The following CBLB variants were observed in gnomAD, a reference collection of about 807,000 sequenced individuals.
CBLB encodes E3 ubiquitin-protein ligase CBL-B.
A neutral mutation model predicts 104.9 loss-of-function variants in CBLB; 31 were observed. The observed-to-expected ratio is 0.30, with a 90% CI of 0.22 to 0.40. CBLB has a LOEUF of 0.40. CBLB is among the 10% of genes least tolerant of loss of function. The probability of loss-of-function intolerance (pLI) is 1.00; values close to 1 mark genes in which losing one functional copy is unlikely to be tolerated. For missense variants in CBLB, 1,062 were observed against 1,214.6 expected (o/e 0.87, Z 1.87); for synonymous variants, 440 against 422.6 (o/e 1.04, Z -0.51).
intron 3 of CBLB, among the ~76,000 whole-genome samples, chr3:105,841,601 C>T (rs572770016): frequency 2.0e-5 from 3 of 151,696 alleles, no homozygotes; most frequent in African/African-American, 2.4e-5. Flanking sequence ...TACAGGCACC[C>T]GCCACCACGC....
chr3:105,831,294 A>T (rs867014746), intron 3 of CBLB, among the ~76,000 whole-genome samples: 1 of 152,210 alleles, frequency 6.6e-6, no homozygotes, highest in Non-Finnish European at 1.5e-5. Flanking sequence ...CTTCCATGAC[A>T]TCTTTTCCTG....
chr3:105,685,973 G>A (rs2066950118), intron 13 of CBLB, among the ~76,000 whole-genome samples: 1 of 152,106 alleles, frequency 6.6e-6, no homozygotes, highest in South Asian at 2.1e-4. Context: ...TAACTATCCT[G>A]TGAAATTATA....
chr3:105,762,373 C>A (rs1332930682), intron 4 of CBLB: 3 of 152,244 alleles, frequency 2.0e-5, no homozygotes, highest in Non-Finnish European at 4.4e-5. Flanking sequence ...GTCTTCACGG[C>A]AGCTTCTCTC....
chr3:105,848,490 G>A (rs77127268), intron 3 of CBLB, among the ~76,000 whole-genome samples: 11,703 of 151,756 alleles, frequency 0.077, 612 homozygotes, highest in East Asian at 0.29. Flanking sequence ...TTTAAAATTC[G>A]GGCTACTCAT....
At chr3:105,743,030 T>C (rs1389028605) in intron 6 of CBLB, among the ~76,000 whole-genome samples, 1 of 152,208 alleles carries the variant, frequency 6.6e-6, no homozygotes, top group Non-Finnish European at 1.5e-5. Flanking sequence ...GAACAATTTC[T>C]TCCTCTCATG....
rs1305356310 is a variant in CBLB, at chr3:105,741,106, T to TTTG, written c.846-476_846-475insCAA. On this transcript the variant is annotated intron_variant, in intron 6 of 18. Coordinates refer to ENST00000394030, the MANE Select transcript of CBLB (RefSeq NM_170662.5). ...ACATAAAAATTAGGGTTTTTTTTTT[T>TTTG]TTTTTTTTTTTGAGACGGAGTCTTA... Among the ~76,000 whole-genome samples the TTTG allele has an allele frequency of 1.1e-3, 160 of 147,726 alleles. 3 individuals are homozygous for TTTG. The highest frequency in any genetic ancestry group is 3.4e-3 in the African/African-American group (137 of 40,096).
At chr3:105,860,968 G>A (rs2092034021) in intron 2 of CBLB, among the ~76,000 whole-genome samples, 1 of 151,938 alleles carries the variant, frequency 6.6e-6, no homozygotes, top group African/African-American at 2.4e-5. Flanking sequence ...CTTTTAACAG[G>A]TAGAATATTA....
intron 4 of CBLB, among the ~76,000 whole-genome samples, chr3:105,757,644 A>T (rs2077204984): frequency 6.6e-6 from 1 of 152,324 alleles, no homozygotes; most frequent in Non-Finnish European, 1.5e-5. Context: ...TTTAAATTTT[A>T]AAAAATATTA....
chr3:105,745,798 T>G (rs2076047596), intron 6 of CBLB, 119 bp downstream of exon 6: 2 of 914,102 alleles, frequency 2.2e-6, no homozygotes. Flanking sequence ...GTCTTTTACC[T>G]TTTCTAGCCC....
chr3:105,701,298 A>G (rs2069063398), intron 12 of CBLB, among the ~76,000 whole-genome samples: 1 of 152,212 alleles, frequency 6.6e-6, no homozygotes, highest in South Asian at 2.1e-4. Flanking sequence ...AAAGAACTTG[A>G]TTTTTAAGAG....
At chr3:105,709,140 C>T (rs1395785039) in intron 10 of CBLB, among the ~76,000 whole-genome samples, 3 of 151,834 alleles carry the variant, frequency 2.0e-5, no homozygotes, top group East Asian at 3.9e-4. Flanking sequence ...AATAGAAATG[C>T]CTCTTGGATT....
intron 5 of CBLB, among the ~76,000 whole-genome samples, chr3:105,747,280 T>A (rs1324642181): frequency 2.0e-5 from 3 of 152,206 alleles, no homozygotes; most frequent in Non-Finnish European, 4.4e-5. Context: ...AAAGTATTTT[T>A]ACGTTGCCAT....
At chr3:105,783,203 C>T (rs2080506820) in intron 3 of CBLB, among the ~76,000 whole-genome samples, 1 of 152,158 alleles carries the variant, frequency 6.6e-6, no homozygotes, top group Admixed American at 6.5e-5. Flanking sequence ...GAAAAGGTTA[C>T]TTAACCTGTT....
chr3:105,778,848 T>A (rs893360185), intron 3 of CBLB, among the ~76,000 whole-genome samples: 8 of 152,194 alleles, frequency 5.3e-5, no homozygotes, highest in Non-Finnish European at 7.4e-5. Flanking sequence ...ATGGTAGATA[T>A]AAGATATTGT....
At chr3:105,707,465 A>G (rs892422695) in intron 10 of CBLB, among the ~76,000 whole-genome samples, 5 of 93,964 alleles carry the variant, frequency 5.3e-5, no homozygotes, top group African/African-American at 1.8e-4. Flanking sequence ...TAAAATTCCT[A>G]CCTAAGAGTA....
intron 3 of CBLB, among the ~76,000 whole-genome samples, chr3:105,847,794 T>C (rs2090468072): frequency 6.6e-6 from 1 of 152,094 alleles, no homozygotes; most frequent in Non-Finnish European, 1.5e-5. Flanking sequence ...TACACACTTT[T>C]CAGAAGAAAT....
At chr3:105,867,867 T>C (rs1359964998) in intron 1 of CBLB, among the ~76,000 whole-genome samples, 1 of 142,884 alleles carries the variant, frequency 7.0e-6, no homozygotes, top group Non-Finnish European at 1.5e-5. Context: ...GCTGAACTAA[T>C]ACTCAACTCA....
At chr3:105,756,811 T>C (rs12493181) in intron 4 of CBLB, among the ~76,000 whole-genome samples, 38,483 of 152,046 alleles carry the variant, frequency 0.25, 5,093 homozygotes, top group Non-Finnish European at 0.28. Context: ...TGGGTATTTG[T>C]TCCCCCCAAA....
chr3:105,789,023 A>G (rs567026427), intron 3 of CBLB, among the ~76,000 whole-genome samples: 2 of 152,344 alleles, frequency 1.3e-5, no homozygotes, highest in East Asian at 3.9e-4. Flanking sequence ...TAGCATCCCA[A>G]CCAACATTAT....
Sources: gnomAD v4.1 joint callset for allele counts (sites outside exome capture counted in the v4.1 genomes callset) on GRCh38, gnomAD v4.1.1 for gene constraint, MANE v1.5 for transcripts, NCBI Gene and HGNC (gene_info 2026-07-23, HGNC 2026-07-21) for gene names.